DLG2: variants seen among roughly 807,000 people sequenced by gnomAD.
DLG2 encodes disks large homolog 2.
A neutral mutation model predicts 132.5 loss-of-function variants in DLG2; 45 were observed. The ratio of observed to expected loss-of-function variants is 0.34; its 90% CI spans 0.27 to 0.44. The LOEUF is 0.44. Ranked by LOEUF, DLG2 falls within the 20% of genes least tolerant of loss-of-function variation. DLG2 has a pLI of 1.00. For synonymous variants in DLG2, 424 were observed against 419.6 expected (o/e 1.01, Z -0.13); for missense variants, 1,045 against 1,196.9 (o/e 0.87, Z 1.87).
intron 14 of DLG2, among the ~76,000 whole-genome samples, chr11:83,952,357 G>A (rs139533424): frequency 0.014 from 2,076 of 152,048 alleles, 21 homozygotes; most frequent in Middle Eastern, 0.048. Context: ...AAAAAAAAGA[G>A]AGTAAGACTA....
At chr11:84,622,042 G>A (rs949131074) in intron 6 of DLG2, among the ~76,000 whole-genome samples, 4 of 152,196 alleles carry the variant, frequency 2.6e-5, no homozygotes, top group Admixed American at 2.6e-4. Context: ...GTTGCGGACC[G>A]CACTTTCCCA....
At chr11:83,853,578 A>C (rs2060094867) in intron 16 of DLG2, among the ~76,000 whole-genome samples, 1 of 152,164 alleles carries the variant, frequency 6.6e-6, no homozygotes, top group African/African-American at 2.4e-5. Context: ...TGTACAATAA[A>C]AATTTATTTG....
chr11:84,403,586 T>A (rs1180290750), intron 7 of DLG2, among the ~76,000 whole-genome samples: 1 of 151,872 alleles, frequency 6.6e-6, no homozygotes, highest in East Asian at 1.9e-4. Context: ...TTAACCTCCC[T>A]AAAAAAAACA....
chr11:85,233,007 ATGCGTTATG>A (rs991024422), intron 4 of DLG2, among the ~76,000 whole-genome samples: 5 of 151,930 alleles, frequency 3.3e-5, no homozygotes, highest in African/African-American at 1.2e-4. Flanking sequence ...CTTTCTTTCC[ATGCGTTATG>A]TTTAATTCTA....
At chr11:85,119,926 A>G (rs141013307) in intron 5 of DLG2, among the ~76,000 whole-genome samples, 116 of 152,250 alleles carry the variant, frequency 7.6e-4, no homozygotes, top group African/African-American at 2.7e-3. Context: ...CATATTTCCA[A>G]AGAATAAAGA....
At chr11:85,316,505 A>C (rs968515381) in intron 3 of DLG2, among the ~76,000 whole-genome samples, 5 of 151,976 alleles carry the variant, frequency 3.3e-5, no homozygotes, top group Non-Finnish European at 5.9e-5. Context: ...GGTGGGTTAC[A>C]GGTAGCAGGA....
intron 4 of DLG2, among the ~76,000 whole-genome samples, chr11:85,163,284 T>A (rs2078178765): frequency 1.3e-5 from 2 of 152,130 alleles, no homozygotes; most frequent in Admixed American, 1.3e-4. Context: ...ATACACTATC[T>A]GATTTAATCT....
chr11:85,298,443 G>A (rs554718954), intron 3 of DLG2, among the ~76,000 whole-genome samples: 2 of 152,178 alleles, frequency 1.3e-5, no homozygotes, highest in East Asian at 3.9e-4. Flanking sequence ...CTAATTACGT[G>A]CCACCTGATA....
At chr11:83,972,140 T>A (rs898375233) in intron 12 of DLG2, among the ~76,000 whole-genome samples, 13 of 152,118 alleles carry the variant, frequency 8.5e-5, no homozygotes, top group African/African-American at 3.1e-4. Flanking sequence ...TTAAATTTAC[T>A]AGAAATAATA....
intron 11 of DLG2, among the ~76,000 whole-genome samples, chr11:84,016,080 T>C (rs1196684946): frequency 6.6e-6 from 1 of 152,136 alleles, no homozygotes; most frequent in African/African-American, 2.4e-5. Context: ...CCATTCTGAC[T>C]GGTGTGAGAT....
chr11:83,520,695 G>GATAGATAGATAGATAGATAGATAGATAGA (rs1565616703), intron 21 of DLG2, among the ~76,000 whole-genome samples: 4 of 149,034 alleles, frequency 2.7e-5, no homozygotes, highest in East Asian at 2.0e-4. Flanking sequence ...AAGTAGGTAG[G>GATAGATAGATAGATAGATAGATAGATAGA]TAGATAGATA....
chr11:85,256,859 CAA>C (rs1308139738), intron 4 of DLG2, among the ~76,000 whole-genome samples: 3 of 152,018 alleles, frequency 2.0e-5, no homozygotes, highest in Admixed American at 6.6e-5. Flanking sequence ...TGCAACAGCT[CAA>C]GAGATAATTA....
Position 83,987,457 on chromosome 11 carries a change from C to T in DLG2, c.920-6815G>A, listed in dbSNP as rs368438782. The stretch of plus-strand genomic sequence containing the variant: ...CCTGACTTCAAGCTATACTACAAGG[C>T]TACAGTAACCAAAACAGCATGGTAC... On this transcript the variant is annotated intron_variant, in intron 11 of 27. Coordinates refer to ENST00000376104, the MANE Select transcript of DLG2 (RefSeq NM_001142699.3). Among the ~76,000 whole-genome samples, 341 of 152,202 alleles carry T rather than the reference C, an allele frequency of 2.2e-3. 4 individuals carry two copies. Among genetic ancestry groups the T allele is most frequent in the African/African-American group, 7.9e-3 (327 of 41,536 alleles).
At chr11:84,394,538 T>A (rs945390307) in intron 7 of DLG2, among the ~76,000 whole-genome samples, 1 of 152,130 alleles carries the variant, frequency 6.6e-6, no homozygotes, top group Non-Finnish European at 1.5e-5. Context: ...TGCAGACTTT[T>A]AAAAAAATCT....
chr11:85,454,465 C>T (rs1266705375), intron 3 of DLG2, among the ~76,000 whole-genome samples: 1 of 152,060 alleles, frequency 6.6e-6, no homozygotes, highest in Non-Finnish European at 1.5e-5. Context: ...CAAATATTTT[C>T]TCCCATTCTT....
chr11:84,525,687 T>C (rs1024360731), intron 7 of DLG2, among the ~76,000 whole-genome samples: 2 of 152,184 alleles, frequency 1.3e-5, no homozygotes, highest in South Asian at 2.1e-4. Context: ...TTTTTAAAAA[T>C]TCTGTAGTCA....
At chr11:84,436,065 T>C (rs1291504973) in intron 7 of DLG2, among the ~76,000 whole-genome samples, 1 of 152,068 alleles carries the variant, frequency 6.6e-6, no homozygotes, top group Non-Finnish European at 1.5e-5. Flanking sequence ...AAACACAACC[T>C]CAAAAGCCAA....
chr11:84,630,702 CA>C (rs139978045), intron 6 of DLG2, among the ~76,000 whole-genome samples: 5,141 of 152,172 alleles, frequency 0.034, 100 homozygotes, highest in Middle Eastern at 0.061. Context: ...CACATTATAA[CA>C]ATTTTCTTTC....
intron 6 of DLG2, among the ~76,000 whole-genome samples, chr11:85,096,393 G>A (rs1370488510): frequency 6.6e-6 from 1 of 151,904 alleles, no homozygotes; most frequent in Non-Finnish European, 1.5e-5. Context: ...GAACCCACCG[G>A]GAGGAACAAA....
Sources: gnomAD v4.1 joint callset for allele counts (sites outside exome capture counted in the v4.1 genomes callset) on GRCh38, gnomAD v4.1.1 for gene constraint, MANE v1.5 for transcripts, NCBI Gene and HGNC (gene_info 2026-07-23, HGNC 2026-07-21) for gene names.